Variants in ADAM10 observed in about 807,000 individuals in gnomAD.
The protein encoded by ADAM10 is ADAM metallopeptidase domain 10.
In ADAM10, 17 loss-of-function variants were observed where a neutral mutation model predicts 90.1. That is an observed-to-expected ratio of 0.19 (90% CI 0.13 to 0.28). ADAM10 has a LOEUF of 0.28. ADAM10 is among the 10% of genes least tolerant of loss of function. The pLI, the probability that ADAM10 is intolerant of heterozygous loss-of-function variation, is 1.00. For missense variants in ADAM10, 610 were observed against 914.3 expected, an observed-to-expected ratio of 0.67 and a Z score of 4.29; for synonymous variants, 310 against 298.6, an observed-to-expected ratio of 1.04 and a Z score of -0.40.
intron 2 of ADAM10, among the ~76,000 whole-genome samples, chr15:58,694,535 T>A (rs1414334760): frequency 1.3e-5 from 2 of 151,886 alleles, no homozygotes; most frequent in African/African-American, 2.4e-5. Flanking sequence ...GGAAACCCCA[T>A]CTAAAACAAA....
At chr15:58,644,238 T>C (rs1395874099) in intron 6 of ADAM10, among the ~76,000 whole-genome samples, 2 of 151,530 alleles carry the variant, frequency 1.3e-5, no homozygotes, top group Middle Eastern at 3.2e-3. Flanking sequence ...TTTTTTGTTT[T>C]TTTTTTTGGA....
At chr15:58,723,640 G>T (rs140423762) in intron 1 of ADAM10, among the ~76,000 whole-genome samples, 34 of 152,078 alleles carry the variant, frequency 2.2e-4, no homozygotes, top group African/African-American at 8.2e-4. Flanking sequence ...GGGAGACGGA[G>T]GTTGCAGTGA....
intron 1 of ADAM10, among the ~76,000 whole-genome samples, chr15:58,727,529 G>A (rs546852627): frequency 3.4e-4 from 52 of 152,112 alleles, no homozygotes; most frequent in African/African-American, 1.1e-3. Context: ...ATGGGGACTC[G>A]CTATGTTGTC....
chr15:58,656,910 C>T (rs1339072457), intron 5 of ADAM10, among the ~76,000 whole-genome samples: 1 of 152,130 alleles, frequency 6.6e-6, no homozygotes, highest in Admixed American at 6.5e-5. Flanking sequence ...GTTTTTGTTT[C>T]TCTGGGAAAG....
At chr15:58,620,580 A>G (rs1490080386) in intron 11 of ADAM10, among the ~76,000 whole-genome samples, 3 of 152,168 alleles carry the variant, frequency 2.0e-5, no homozygotes, top group East Asian at 3.8e-4. Flanking sequence ...TGGATTCCAC[A>G]TTAACTAAAT....
chr15:58,621,797 T>A (rs1186171759), intron 10 of ADAM10, among the ~76,000 whole-genome samples, 176 bp from the exon 11 acceptor site: 1 of 152,234 alleles, frequency 6.6e-6, no homozygotes, highest in African/African-American at 2.4e-5. Context: ...GGTCTGCTAC[T>A]AACTAGCAAT....
At chr15:58,606,679 C>G (rs2140993964) in intron 14 of ADAM10, among the ~76,000 whole-genome samples, 1 of 152,190 alleles carries the variant, frequency 6.6e-6, no homozygotes, top group Admixed American at 6.5e-5. Context: ...AAAAAGGAGT[C>G]ACATATCACA....
chr15:58,691,471 T>C (rs1323419732), intron 2 of ADAM10: 3 of 636,216 alleles, frequency 4.7e-6, no homozygotes, highest in Admixed American at 1.9e-5. Context: ...GCCTCCTTCA[T>C]GCAAGACACA....
chr15:58,693,068 T>C, intron 2 of ADAM10: 1 of 748,872 alleles, frequency 1.3e-6, no homozygotes, highest in Non-Finnish European at 2.5e-6. Context: ...GCATTAGAGA[T>C]CAACTCCTGA....
At chr15:58,612,992 G>A (rs569217843) in intron 11 of ADAM10, among the ~76,000 whole-genome samples, 24 of 152,310 alleles carry the variant, frequency 1.6e-4, no homozygotes, top group African/African-American at 5.5e-4. Flanking sequence ...AGCCAGCACC[G>A]CAGCAGGTGC....
At chr15:58,692,600 C>A (rs1361260062) in intron 2 of ADAM10, 2 of 556,956 alleles carry the variant, frequency 3.6e-6, no homozygotes, top group East Asian at 4.8e-5. Flanking sequence ...TTCTTCACTA[C>A]TTCTTTGACC....
chr15:58,696,989 A>G (rs534196477), intron 2 of ADAM10, among the ~76,000 whole-genome samples: 1 of 152,212 alleles, frequency 6.6e-6, no homozygotes, highest in East Asian at 1.9e-4. Context: ...CCCCACCTAC[A>G]GCCACTGTTG....
chr15:58,731,269 C>T (rs1275519800), intron 1 of ADAM10, among the ~76,000 whole-genome samples: 3 of 152,126 alleles, frequency 2.0e-5, no homozygotes, highest in African/African-American at 4.8e-5. Flanking sequence ...TGAATCCACA[C>T]AAATGAAGTG....
chr15:58,620,329 T>C (rs1195938442), intron 11 of ADAM10, among the ~76,000 whole-genome samples: 4 of 152,010 alleles, frequency 2.6e-5, no homozygotes, highest in African/African-American at 9.7e-5. Flanking sequence ...TAGCCAGGCA[T>C]GGAGGCACAC....
intron 7 of ADAM10, among the ~76,000 whole-genome samples, chr15:58,641,410 T>C (rs752187767): frequency 1.7e-4 from 26 of 152,162 alleles, no homozygotes; most frequent in Non-Finnish European, 3.5e-4. Flanking sequence ...ATAAAATAGG[T>C]ATCAAACCCA....
chr15:58,607,664 T>A (rs530311736), intron 14 of ADAM10, among the ~76,000 whole-genome samples: 4 of 152,328 alleles, frequency 2.6e-5, no homozygotes, highest in South Asian at 4.1e-4. Context: ...GAGAATGTGT[T>A]TGACTCTTGA....
intron 2 of ADAM10, among the ~76,000 whole-genome samples, chr15:58,688,786 A>ATCTCTCTCTCTCTCTCTCTCTCTCTC (rs1176204968): frequency 8.2e-6 from 1 of 122,394 alleles, no homozygotes; most frequent in African/African-American, 3.6e-5. Flanking sequence ...ATATATATAT[A>ATCTCTCTCTCTCTCTCTCTCTCTCTC]TCTCTCTCTC....
At chr15:58,643,854 T>G (rs765639664) in intron 7 of ADAM10, 32 bp downstream of exon 7, 1 of 1,485,080 alleles carries the variant, frequency 6.7e-7, no homozygotes, top group East Asian at 2.3e-5. Flanking sequence ...TGTTTCACTT[T>G]TTAAGTGTTT....
chr15:58,650,011 C>A (rs1164086189), intron 5 of ADAM10, among the ~76,000 whole-genome samples: 2 of 152,044 alleles, frequency 1.3e-5, no homozygotes, highest in Non-Finnish European at 2.9e-5. Context: ...TTATACTATC[C>A]AAATCTAAAT....
Sources: allele counts gnomAD v4.1 joint callset (sites outside exome capture counted in the v4.1 genomes callset), GRCh38; gene constraint gnomAD v4.1.1; transcripts MANE v1.5; gene names NCBI Gene and HGNC (gene_info 2026-07-23, HGNC 2026-07-21).